Variants in BAZ2B observed in about 807,000 individuals in gnomAD.
BAZ2B encodes the protein bromodomain adjacent to zinc finger domain protein 2B.
BAZ2B carries 91 observed loss-of-function variants against 246.0 expected under a neutral mutation model. The observed-to-expected ratio is 0.37, with a 90% CI of 0.31 to 0.44. The LOEUF (loss-of-function observed/expected upper bound fraction) is 0.44. BAZ2B is among the 20% of genes least tolerant of loss of function. The probability of loss-of-function intolerance (pLI) is 1.00; values close to 1 mark genes in which losing one functional copy is unlikely to be tolerated. For missense variants in BAZ2B, 2,332 were observed against 2,533.7 expected (o/e 0.92, Z 1.71); for synonymous variants, 855 against 860.0 (o/e 0.99, Z 0.10).
the BAZ2B span, among the ~76,000 whole-genome samples, chr2:159,699,323 G>A: frequency 6.6e-6 from 1 of 152,116 alleles, no homozygotes; most frequent in Non-Finnish European, 1.5e-5. Context: ...TGAGAGGATT[G>A]CTTTAGGCCA....
chr2:159,698,313 T>C, the BAZ2B span, among the ~76,000 whole-genome samples: 86 of 151,884 alleles, frequency 5.7e-4, 1 homozygote, highest in African/African-American at 7.7e-4. Flanking sequence ...CTTGAGTCCA[T>C]TGAGTTTGAG....
chr2:159,358,256 G>T (rs2149254362), intron 27 of BAZ2B, among the ~76,000 whole-genome samples: 1 of 152,276 alleles, frequency 6.6e-6, no homozygotes, highest in African/African-American at 2.4e-5. Context: ...TCAAAACAAA[G>T]GGATGGAGGA....
chr2:159,364,400 T>C (rs535415444), intron 27 of BAZ2B, among the ~76,000 whole-genome samples: 1 of 152,268 alleles, frequency 6.6e-6, no homozygotes, highest in South Asian at 2.1e-4. Flanking sequence ...AGTTGGACTT[T>C]TTTTCTTTTC....
intron 2 of BAZ2B, among the ~76,000 whole-genome samples, chr2:159,484,449 A>T (rs2079592926): frequency 6.6e-6 from 1 of 152,186 alleles, no homozygotes; most frequent in Non-Finnish European, 1.5e-5. Flanking sequence ...CACACATCAC[A>T]ATGCTCACTC....
At chr2:159,353,533 A>G (rs527388225) in intron 27 of BAZ2B, among the ~76,000 whole-genome samples, 4 of 152,362 alleles carry the variant, frequency 2.6e-5, no homozygotes, top group Non-Finnish European at 5.9e-5. Flanking sequence ...TAGAGTGCTC[A>G]GGAGAATATT....
intron 33 of BAZ2B, among the ~76,000 whole-genome samples, chr2:159,335,286 C>T (rs2065436790): frequency 2.0e-5 from 3 of 152,104 alleles, no homozygotes; most frequent in Admixed American, 1.3e-4. Context: ...GTGGCTCATG[C>T]TTGTAATCCC....
chr2:159,342,010 A>T (rs750087436), intron 31 of BAZ2B, among the ~76,000 whole-genome samples: 1 of 152,214 alleles, frequency 6.6e-6, no homozygotes, highest in Non-Finnish European at 1.5e-5. Flanking sequence ...GGAAAGAAAC[A>T]ATAAAGATCA....
At chr2:159,435,051 T>C (rs1020095744) in intron 8 of BAZ2B, 2 of 151,940 alleles carry the variant, frequency 1.3e-5, no homozygotes, top group African/African-American at 4.8e-5. Flanking sequence ...AAATTCTGCA[T>C]TGAAAATGAT....
chr2:159,378,949 A>C (rs907473162), intron 25 of BAZ2B, among the ~76,000 whole-genome samples: 3 of 152,146 alleles, frequency 2.0e-5, no homozygotes, highest in Non-Finnish European at 2.9e-5. Flanking sequence ...AAGGCTCCTC[A>C]AAAAATTAAG....
intron 2 of BAZ2B, among the ~76,000 whole-genome samples, chr2:159,549,702 C>G (rs1381559833): frequency 1.3e-5 from 2 of 150,644 alleles, no homozygotes; most frequent in Non-Finnish European, 2.9e-5. Flanking sequence ...ATGTGGCCCA[C>G]AGGCCACAGG....
chr2:159,365,189 G>A (rs2149328983), intron 27 of BAZ2B, among the ~76,000 whole-genome samples: 1 of 152,230 alleles, frequency 6.6e-6, no homozygotes, highest in East Asian at 1.9e-4. Flanking sequence ...CATGTAGAAT[G>A]GTATTGCCAA....
chr2:159,711,322 T>C, the BAZ2B span, among the ~76,000 whole-genome samples: 6 of 152,264 alleles, frequency 3.9e-5, no homozygotes, highest in African/African-American at 7.2e-5. Context: ...AAAGTTAGAT[T>C]GGCACTTACA....
At chr2:159,456,111 A>C (rs142235089) in intron 3 of BAZ2B, among the ~76,000 whole-genome samples, 105 of 152,134 alleles carry the variant, frequency 6.9e-4, no homozygotes, top group African/African-American at 2.4e-3. Context: ...TTTAATACAA[A>C]GAAATTTGAG....
chr2:159,592,127 A>C (rs1689537742), intron 1 of BAZ2B, among the ~76,000 whole-genome samples: 1 of 152,062 alleles, frequency 6.6e-6, no homozygotes, highest in Admixed American at 6.6e-5. Flanking sequence ...TCAAACAAAC[A>C]AAAAAACAAA....
intron 1 of BAZ2B, among the ~76,000 whole-genome samples, chr2:159,604,689 T>C (rs987599153): frequency 1.1e-4 from 17 of 152,124 alleles, no homozygotes; most frequent in African/African-American, 3.1e-4. Context: ...TTCCTTATAA[T>C]AGAAATTTTA....
intron 19 of BAZ2B, 28 bp from the exon 20 acceptor site, chr2:159,395,862 TAACTC>T (rs747452327): frequency 1.7e-5 from 27 of 1,566,782 alleles, no homozygotes; most frequent in Non-Finnish European, 2.3e-5. Context: ...ATGTGGAAAA[TAACTC>T]AGCCACAATT....
chr2:159,420,817 C>A (rs528127232), intron 13 of BAZ2B, among the ~76,000 whole-genome samples: 1 of 152,208 alleles, frequency 6.6e-6, no homozygotes, highest in South Asian at 2.1e-4. Flanking sequence ...AAAATAAAAA[C>A]AATGCCATTT....
chr2:159,438,778 G>C (rs1395447289), intron 7 of BAZ2B, 83 bp from the exon 8 acceptor site: 1 of 1,456,806 alleles, frequency 6.9e-7, no homozygotes, highest in Non-Finnish European at 9.1e-7. Flanking sequence ...GATAAAAACG[G>C]GTACTTTCAA....
chr2:159,695,081 G>A, the BAZ2B span: 3 of 152,072 alleles, frequency 2.0e-5, no homozygotes, highest in African/African-American at 4.8e-5. Flanking sequence ...CTGAGGCTGA[G>A]CATATATTTA....
Sources: allele counts gnomAD v4.1 joint callset (sites outside exome capture counted in the v4.1 genomes callset), GRCh38; gene constraint gnomAD v4.1.1; transcripts MANE v1.5; gene names NCBI Gene and HGNC (gene_info 2026-07-23, HGNC 2026-07-21).